The following ANKRD17 variants were observed in gnomAD, a reference collection of about 807,000 sequenced individuals.
ANKRD17 encodes ankyrin repeat domain-containing protein 17.
ANKRD17 carries 19 observed loss-of-function variants against 229.7 expected under a neutral mutation model. That is an observed-to-expected ratio of 0.08 (90% CI 0.06 to 0.12). The LOEUF is 0.12. Among genes scored for constraint, ANKRD17 ranks in the 10% least tolerant of loss-of-function variants. ANKRD17 has a pLI of 1.00. For missense variants in ANKRD17, 2,176 were observed against 3,176.8 expected (o/e 0.68, Z 7.57); for synonymous variants, 1,112 against 1,146.1 (o/e 0.97, Z 0.60).
In ANKRD17 at chr4:73,091,368, G is replaced by A; in HGVS notation, c.6260C>T (p.Thr2087Ile). The A allele has an allele frequency of 6.2e-7, 1 of 1,614,092 alleles. No individual in the cohort carries two copies. The highest frequency in any genetic ancestry group is 8.5e-7 in the Non-Finnish European group (1 of 1,180,036). Residue 2087 changes from threonine to isoleucine, a missense_variant, in exon 29 of 34, where the codon ACA becomes ATA. Thr to Ile is a moderately conservative substitution (Grantham distance 89). Coordinates refer to ENST00000358602, the MANE Select transcript of ANKRD17 (RefSeq NM_032217.5). ...QEAGSPPVVETTNTRPPNSSS... is the reference protein window; with the variant it reads ...QEAGSPPVVEITNTRPPNSSS... ...GCTGTTTGGAGGTCTAGTGTTTGTT[G>A]TTTCTACTACTGGTGGACTACCTGC... is the stretch of plus-strand genomic sequence containing the variant.
At chr4:73,168,426 C>T (rs1234237201) in intron 2 of ANKRD17, among the ~76,000 whole-genome samples, 4 of 150,026 alleles carry the variant, frequency 2.7e-5, no homozygotes, top group African/African-American at 5.1e-5. Flanking sequence ...ATATATAGTG[C>T]TAAATATTTG....
intron 24 of ANKRD17, chr4:73,112,883 G>T (rs1725488558): frequency 7.0e-6 from 2 of 287,140 alleles, no homozygotes; most frequent in Non-Finnish European, 1.0e-5. Context: ...CGCCTCCCAG[G>T]TTCAAGTGAT....
At chr4:73,141,178 G>A (rs1050330572) in intron 14 of ANKRD17, among the ~76,000 whole-genome samples, 1 of 152,272 alleles carries the variant, frequency 6.6e-6, no homozygotes, top group East Asian at 1.9e-4. Flanking sequence ...GATTCAAACC[G>A]GTAGGTATAA....
chr4:73,160,660 A>G (rs1732410071), intron 3 of ANKRD17, among the ~76,000 whole-genome samples: 1 of 152,178 alleles, frequency 6.6e-6, no homozygotes, highest in Admixed American at 6.5e-5. Context: ...CTATCTATAT[A>G]CAAGGAATTA....
At chr4:73,138,996 CA>C (rs1729271084) in intron 15 of ANKRD17, among the ~76,000 whole-genome samples, 1 of 151,850 alleles carries the variant, frequency 6.6e-6, no homozygotes, top group Non-Finnish European at 1.5e-5. Flanking sequence ...CACTTACATA[CA>C]GTATAATTAA....
Position 73,077,474 on chromosome 4 carries a change from C to T in ANKRD17, c.7468G>A (p.Asp2490Asn). ...TGATGTTGTGAAAATACTCCTGGGT[C>T]AGACATCGGTCTGTGGATCATAGGA... ...GNPMIHRPMSDPGVFSQHQAM... is the reference protein window; with the variant it reads ...GNPMIHRPMSNPGVFSQHQAM... Residue 2490 changes from aspartate to asparagine, a missense_variant, in exon 32 of 34, where the codon GAC becomes AAC. By Grantham distance (23) the Asp-to-Asn change is conservative. Coordinates refer to ENST00000358602, the MANE Select transcript of ANKRD17 (RefSeq NM_032217.5). 6.2e-7 allele frequency: 1 copy of T among 1,613,700 alleles called. No individual in the cohort carries two copies. Among genetic ancestry groups the T allele is most frequent in the South Asian group, 1.1e-5 (1 of 91,024 alleles).
At chr4:73,116,060 G>A (rs1489254370) in intron 22 of ANKRD17, 144 bp from the exon 23 acceptor site, 1 of 655,984 alleles carries the variant, frequency 1.5e-6, no homozygotes, top group Middle Eastern at 3.4e-4. Context: ...AAAAGAGACA[G>A]GCTTTGGTTC....
intron 5 of ANKRD17, among the ~76,000 whole-genome samples, chr4:73,154,824 G>A (rs1202433547): frequency 2.0e-5 from 3 of 152,002 alleles, no homozygotes; most frequent in Admixed American, 6.5e-5. Context: ...GGCGGATCAC[G>A]AGGTCAGGAG....
At chr4:73,121,818 G>A in intron 18 of ANKRD17, 59 bp from the exon 19 acceptor site, 1 of 1,496,620 alleles carries the variant, frequency 6.7e-7, no homozygotes, top group Non-Finnish European at 8.9e-7. Context: ...ACCAAAGTGT[G>A]TATTTTTAAA....
At chr4:73,162,370 T>C (rs1371507275) in intron 2 of ANKRD17, among the ~76,000 whole-genome samples, 1 of 152,076 alleles carries the variant, frequency 6.6e-6, no homozygotes, top group African/African-American at 2.4e-5. Context: ...TTTTTAAACT[T>C]TCTTGTAGAG....
chr4:73,152,810 C>G (rs892371336), intron 6 of ANKRD17, among the ~76,000 whole-genome samples: 13 of 152,106 alleles, frequency 8.5e-5, no homozygotes, highest in Non-Finnish European at 1.8e-4. Context: ...CAGCCTCTGC[C>G]TAATTATAAA....
At chr4:73,090,397 G>A (rs563616298) in intron 29 of ANKRD17, among the ~76,000 whole-genome samples, 5 of 152,228 alleles carry the variant, frequency 3.3e-5, no homozygotes, top group East Asian at 1.9e-4. Context: ...GTGACAGAGC[G>A]AGACTCTGTC....
chr4:73,172,840 T>A (rs1734216944), intron 2 of ANKRD17, among the ~76,000 whole-genome samples: 1 of 151,794 alleles, frequency 6.6e-6, no homozygotes, highest in African/African-American at 2.4e-5. Context: ...AAGCAAGAAA[T>A]TAAAACATAT....
chr4:73,142,947 TCTC>T (rs1462437357), intron 11 of ANKRD17, among the ~76,000 whole-genome samples, 180 bp from the exon 12 acceptor site: 1 of 152,104 alleles, frequency 6.6e-6, no homozygotes, highest in African/African-American at 2.4e-5. Context: ...CTACATTAAT[TCTC>T]CTCTCCCATC....
chr4:73,183,619 G>A (rs997023516), intron 1 of ANKRD17, among the ~76,000 whole-genome samples: 4 of 151,928 alleles, frequency 2.6e-5, no homozygotes, highest in African/African-American at 7.3e-5. Flanking sequence ...AAATACAGGC[G>A]CATGATACCA....
chr4:73,092,055 G>T lies in ANKRD17; in HGVS notation c.5573C>A (p.Ser1858Tyr). 1 of 1,614,244 alleles carries T rather than the reference G, an allele frequency of 6.2e-7. No homozygotes were observed. Among genetic ancestry groups the T allele is most frequent in the Non-Finnish European group, 8.5e-7 (1 of 1,180,056 alleles). ...TATALTVPAI[S>Y]SASTHKTIKN... ...AATGGTTTTGTGAGTGGATGCAGAA[G>T]AAATTGCAGGCACAGTGAGTGCTGT... Residue 1858 changes from serine (S) to tyrosine (Y), a missense_variant, in exon 29 of 34, where the codon TCT (serine) becomes TAT (tyrosine). Transcript: ENST00000358602.
intron 23 of ANKRD17, 70 bp downstream of exon 23, chr4:73,115,751 A>G: frequency 2.4e-6 from 3 of 1,239,754 alleles, no homozygotes; most frequent in South Asian, 2.6e-5. Flanking sequence ...TACTCAAACT[A>G]GGAATTCTTA....
intron 1 of ANKRD17, among the ~76,000 whole-genome samples, chr4:73,183,478 G>C (rs563894103): frequency 2.4e-4 from 36 of 152,002 alleles, no homozygotes; most frequent in Non-Finnish European, 5.0e-4. Context: ...TTTTGAGACA[G>C]GGTCTCACTC....
chr4:73,117,889 T>C (rs1454860021), intron 22 of ANKRD17, among the ~76,000 whole-genome samples: 1 of 152,242 alleles, frequency 6.6e-6, no homozygotes, highest in Non-Finnish European at 1.5e-5. Flanking sequence ...AAGTTTGTTT[T>C]ACTTTCACGG....
Sources: gnomAD v4.1 joint callset for allele counts (sites outside exome capture counted in the v4.1 genomes callset) on GRCh38, gnomAD v4.1.1 for gene constraint, MANE v1.5 for transcripts, NCBI Gene and HGNC (gene_info 2026-07-23, HGNC 2026-07-21) for gene names.